ATE1: variants seen among roughly 807,000 people sequenced by gnomAD.
The protein encoded by ATE1 is arginyltransferase 1.
In ATE1, 36 loss-of-function variants were observed where a neutral mutation model predicts 70.5. The observed-to-expected ratio is 0.51, with a 90% CI of 0.39 to 0.67. The LOEUF (loss-of-function observed/expected upper bound fraction) is 0.67, where lower values mean the gene tolerates loss of function less well. Among genes scored for constraint, ATE1 ranks in the 30% least tolerant of loss-of-function variants. The pLI, the probability that ATE1 is intolerant of heterozygous loss-of-function variation, is 0.00. For synonymous variants in ATE1, 232 were observed against 219.3 expected, an observed-to-expected ratio of 1.06 and a Z score of -0.51; for missense variants, 593 against 629.5, an observed-to-expected ratio of 0.94 and a Z score of 0.62.
At chr10:121,808,386 T>G (rs1485330959) in intron 10 of ATE1, among the ~76,000 whole-genome samples, 2 of 152,028 alleles carry the variant, frequency 1.3e-5, no homozygotes, top group Non-Finnish European at 2.9e-5. Context: ...AGGTTACAGC[T>G]CAAGCAACAG....
chr10:121,792,940 C>T (rs1191447013), intron 10 of ATE1, among the ~76,000 whole-genome samples: 2 of 152,048 alleles, frequency 1.3e-5, no homozygotes, highest in African/African-American at 2.4e-5. Context: ...AACTATACTT[C>T]CTCAAAATTA....
At chr10:121,891,040 T>G (rs1950561830) in intron 7 of ATE1, among the ~76,000 whole-genome samples, 1 of 152,144 alleles carries the variant, frequency 6.6e-6, no homozygotes, top group Admixed American at 6.5e-5. Context: ...TCACGGTCAA[T>G]AAAGAATTCA....
At chr10:121,913,969 G>GTA (rs1364158359) in intron 3 of ATE1, 76 bp from the exon 4 acceptor site, 8 of 1,099,244 alleles carry the variant, frequency 7.3e-6, no homozygotes, top group African/African-American at 1.6e-5. Context: ...ATATCACCTA[G>GTA]TACAATGAGA....
chr10:121,861,277 G>C (rs1158823728), intron 8 of ATE1, among the ~76,000 whole-genome samples: 1 of 151,928 alleles, frequency 6.6e-6, no homozygotes, highest in African/African-American at 2.4e-5. Flanking sequence ...GGAAACTCCT[G>C]GCATTTTTTA....
At chr10:121,813,214 A>C (rs1016481834) in intron 10 of ATE1, among the ~76,000 whole-genome samples, 2 of 152,210 alleles carry the variant, frequency 1.3e-5, no homozygotes, top group African/African-American at 4.8e-5. Context: ...TCACAACCCT[A>C]AGGACACCAC....
At chr10:121,757,416 G>C (rs1564812021) in intron 11 of ATE1, among the ~76,000 whole-genome samples, 2 of 152,128 alleles carry the variant, frequency 1.3e-5, no homozygotes, top group Admixed American at 1.3e-4. Context: ...CCACATTTTA[G>C]GGTAGCTTTT....
At chr10:121,923,372 A>G (rs1203449407) in intron 2 of ATE1, among the ~76,000 whole-genome samples, 1 of 152,160 alleles carries the variant, frequency 6.6e-6, no homozygotes, top group Non-Finnish European at 1.5e-5. Context: ...GGCTGAGGCA[A>G]GAGGATCACT....
At chr10:121,778,804 C>T (rs139505387) in intron 11 of ATE1, among the ~76,000 whole-genome samples, 2,507 of 151,868 alleles carry the variant, frequency 0.017, 32 homozygotes, top group African/African-American at 0.037. Context: ...GGTTTCATCA[C>T]GTTGGGCAGG....
At chr10:121,906,888 G>A (rs11200243) in intron 5 of ATE1, among the ~76,000 whole-genome samples, 20,122 of 152,110 alleles carry the variant, frequency 0.13, 1,527 homozygotes, top group East Asian at 0.19. Flanking sequence ...GTGAGCCACT[G>A]AGCCCGGCCA....
intron 8 of ATE1, among the ~76,000 whole-genome samples, chr10:121,856,645 T>C (rs990944771): frequency 6.6e-6 from 1 of 152,246 alleles, no homozygotes; most frequent in Non-Finnish European, 1.5e-5. Flanking sequence ...TTGGTTTTCC[T>C]ATTGTTTACA....
intron 11 of ATE1, among the ~76,000 whole-genome samples, chr10:121,769,562 T>C (rs1210821193): frequency 1.3e-5 from 2 of 152,150 alleles, no homozygotes; most frequent in South Asian, 2.1e-4. Context: ...CTAGACTTCA[T>C]TAAAATTGGA....
chr10:121,875,541 G>A (rs902712685), intron 7 of ATE1, among the ~76,000 whole-genome samples: 1 of 152,022 alleles, frequency 6.6e-6, no homozygotes, highest in Non-Finnish European at 1.5e-5. Context: ...CTGACCTCAG[G>A]TGATCTGCCC....
intron 9 of ATE1, among the ~76,000 whole-genome samples, chr10:121,839,100 A>G (rs555234666): frequency 3.3e-5 from 5 of 152,260 alleles, no homozygotes; most frequent in African/African-American, 1.2e-4. Flanking sequence ...TCTCAAGAGC[A>G]CCAAAAGGAA....
rs1944165377 is a variant in ATE1, at chr10:121,742,075, C to T, written c.*1605G>A. 1 of 152,024 alleles carries T rather than the reference C, an allele frequency of 6.6e-6. No homozygotes were observed. The highest frequency in any genetic ancestry group is 1.5e-5 in the Non-Finnish European group (1 of 67,990). The allele number at this position is 152,024 out of a possible 1,614,324, so 9.4% of individuals were successfully genotyped here. A position where few individuals can be genotyped will look rare whatever the true frequency, so the allele number is the denominator to read the frequency against. On this transcript the variant is annotated 3_prime_UTR_variant, in exon 12 of 12. Coordinates refer to ENST00000224652, the MANE Select transcript of ATE1 (RefSeq NM_001001976.3). ...CGAGACTACTTTGCAGGTCAAAATCCCAGAAAAATGTAAAATCTTGTGATC... is the reference window on the plus strand; with the variant it reads ...CGAGACTACTTTGCAGGTCAAAATCTCAGAAAAATGTAAAATCTTGTGATC...
intron 11 of ATE1, among the ~76,000 whole-genome samples, chr10:121,754,328 G>C (rs867025778): frequency 2.0e-5 from 3 of 152,194 alleles, no homozygotes; most frequent in South Asian, 4.1e-4. Flanking sequence ...CTGAGTCAGA[G>C]AAAGTATAAG....
At chr10:121,770,407 CTAA>C (rs1431291262) in intron 11 of ATE1, among the ~76,000 whole-genome samples, 2 of 152,000 alleles carry the variant, frequency 1.3e-5, no homozygotes, top group Non-Finnish European at 2.9e-5. Flanking sequence ...ATAAAAGTCC[CTAA>C]TAATCTGAGA....
At chr10:121,815,982 G>A (rs1480222690) in intron 10 of ATE1, among the ~76,000 whole-genome samples, 1 of 152,096 alleles carries the variant, frequency 6.6e-6, no homozygotes, top group African/African-American at 2.4e-5. Context: ...TCCAGATACT[G>A]GGAAAAGAGG....
At chr10:121,899,272 C>T (rs536776657) in intron 7 of ATE1, among the ~76,000 whole-genome samples, 1 of 152,012 alleles carries the variant, frequency 6.6e-6, no homozygotes, top group African/African-American at 2.4e-5. Flanking sequence ...TGGTGATGAT[C>T]GCTACTTTTG....
chr10:121,768,466 G>A (rs1945366907), intron 11 of ATE1, among the ~76,000 whole-genome samples: 1 of 152,082 alleles, frequency 6.6e-6, no homozygotes, highest in Non-Finnish European at 1.5e-5. Flanking sequence ...AGAGAGGAGG[G>A]GCTGGGCAGG....
Sources: gnomAD v4.1 joint callset for allele counts (sites outside exome capture counted in the v4.1 genomes callset) on GRCh38, gnomAD v4.1.1 for gene constraint, MANE v1.5 for transcripts, NCBI Gene and HGNC (gene_info 2026-07-23, HGNC 2026-07-21) for gene names.